WDR25: variants seen among roughly 807,000 people sequenced by gnomAD.
WDR25 encodes the protein WD repeat-containing protein 25.
WDR25 carries 35 observed loss-of-function variants against 47.7 expected under a neutral mutation model. The observed-to-expected ratio is 0.73, with a 90% CI of 0.56 to 0.97. WDR25 has a LOEUF of 0.97. WDR25 is among the 50% of genes least tolerant of loss of function. WDR25 has a pLI of 0.00. For synonymous variants in WDR25, 248 were observed against 278.9 expected (o/e 0.89, Z 1.10); for missense variants, 634 against 704.7 (o/e 0.90, Z 1.14).
In WDR25 at chr14:100,502,607, T is replaced by A. The variant is rs1490307016; in HGVS notation, c.1101+18483T>A. On this transcript the variant is annotated intron_variant, in intron 4 of 6. Coordinates refer to ENST00000402312, the MANE Select transcript of WDR25 (RefSeq NM_001161476.3). The surrounding 1 kb of genome is among the most constrained non-coding windows in gnomAD (Gnocchi z 4.5). ...CATTAGGGGTCCTATAGACACTTGC[T>A]GAATTAACCACTGCATGGCCAAGTG... is the stretch of plus-strand genomic sequence containing the variant. 7.2e-5 allele frequency among the ~76,000 whole-genome samples: 11 copies of A among 152,188 alleles called. No individual in the cohort carries two copies. The highest frequency in any genetic ancestry group is 1.6e-4 in the Non-Finnish European group (11 of 68,034).
chr14:100,441,125 T>G (rs769568696), intron 2 of WDR25, among the ~76,000 whole-genome samples: 7 of 152,176 alleles, frequency 4.6e-5, no homozygotes, highest in Non-Finnish European at 1.0e-4. Flanking sequence ...AAGACTCTGC[T>G]TCCTGGCTTA....
At chr14:100,438,686 C>T (rs1000450190) in intron 2 of WDR25, among the ~76,000 whole-genome samples, 1 of 152,182 alleles carries the variant, frequency 6.6e-6, no homozygotes, top group Non-Finnish European at 1.5e-5. Flanking sequence ...CTGGCTTTTT[C>T]ATCCAAAGCT....
intron 2 of WDR25, among the ~76,000 whole-genome samples, chr14:100,441,486 A>C (rs891154750): frequency 6.6e-6 from 1 of 152,106 alleles, no homozygotes; most frequent in Non-Finnish European, 1.5e-5. Flanking sequence ...CAGATGCTGG[A>C]AGTGGCAGTG....
At position 100,440,861 on chromosome 14, in the gene WDR25, G is replaced by A. The variant is rs1446286878; in HGVS notation, c.823-27160G>A. On this transcript the variant is annotated intron_variant, in intron 2 of 6. Coordinates refer to ENST00000402312, the MANE Select transcript of WDR25 (RefSeq NM_001161476.3). The surrounding 1 kb of genome is among the most constrained non-coding windows in gnomAD (Gnocchi z 4.4). ...AACATACCAGGCTGTCATTTGGCCA[G>A]AGATTGTCTGCACTGGGATTGTTCC... 6.6e-6 allele frequency among the ~76,000 whole-genome samples: 1 copy of A among 152,236 alleles called. No homozygotes were observed. The highest frequency in any genetic ancestry group is 2.4e-5 in the African/African-American group (1 of 41,454).
At chr14:100,452,457 T>TGGCTAA (rs1899067295) in intron 2 of WDR25, among the ~76,000 whole-genome samples, 1 of 151,026 alleles carries the variant, frequency 6.6e-6, no homozygotes, top group Non-Finnish European at 1.5e-5. Flanking sequence ...TGAAGGGGAG[T>TGGCTAA]GATGAGAGCA....
intron 4 of WDR25, among the ~76,000 whole-genome samples, chr14:100,495,338 A>T (rs1297561127): frequency 6.6e-6 from 1 of 152,234 alleles, no homozygotes; most frequent in Non-Finnish European, 1.5e-5. Flanking sequence ...TCTGGGTGAC[A>T]GGGTGAGACT....
intron 3 of WDR25, chr14:100,481,211 G>A: frequency 3.9e-6 from 2 of 507,464 alleles, no homozygotes; most frequent in Non-Finnish European, 7.7e-6. Flanking sequence ...AGAAAATGGG[G>A]AAATGAAAAC....
chr14:100,491,630 T>C (rs1900570022), intron 4 of WDR25, among the ~76,000 whole-genome samples: 1 of 152,258 alleles, frequency 6.6e-6, no homozygotes, highest in Admixed American at 6.5e-5. Context: ...AATCGCCTGA[T>C]GACGCATTTC....
chr14:100,418,573 G>A (rs937356344), intron 2 of WDR25, among the ~76,000 whole-genome samples: 1 of 150,920 alleles, frequency 6.6e-6, no homozygotes, highest in Non-Finnish European at 1.5e-5. Context: ...GGAGGTAGAG[G>A]TTGCAGTGAG....
At chr14:100,434,760 C>T (rs1370035942) in intron 2 of WDR25, among the ~76,000 whole-genome samples, 4 of 152,214 alleles carry the variant, frequency 2.6e-5, no homozygotes, top group African/African-American at 9.7e-5. Context: ...TACCCAGCTC[C>T]CACCCTGCCC....
intron 2 of WDR25, among the ~76,000 whole-genome samples, chr14:100,395,387 G>C (rs1004032314): frequency 1.2e-4 from 19 of 152,220 alleles, no homozygotes; most frequent in Admixed American, 9.8e-4. Context: ...ACTCTCAGGA[G>C]AGTACCAGGC....
chr14:100,434,220 A>G (rs1332416825), intron 2 of WDR25, among the ~76,000 whole-genome samples: 2 of 152,170 alleles, frequency 1.3e-5, no homozygotes, highest in Non-Finnish European at 2.9e-5. Flanking sequence ...ACATGCCTCT[A>G]TTCAGTTATT....
rs575073153 is a variant in WDR25 at position 100,382,822 on chromosome 14, G to A, written c.822+1076G>A. ...GTAGCTAGCTGGTCGACCACTGGCC[G>A]GCTGCCTTCCTGTGGAGTCTAGTGT... On this transcript the variant is annotated intron_variant, in intron 2 of 6. Coordinates refer to ENST00000402312, the MANE Select transcript of WDR25 (RefSeq NM_001161476.3). Among the ~76,000 whole-genome samples, 6 of 152,306 alleles carry A rather than the reference G, an allele frequency of 3.9e-5. No individual in the cohort carries two copies. The South Asian group carries it at 6.2e-4, about 16-fold the overall frequency.
chr14:100,433,671 C>CA (rs1898410255), intron 2 of WDR25, among the ~76,000 whole-genome samples: 1 of 152,154 alleles, frequency 6.6e-6, no homozygotes. Flanking sequence ...ATTCCCCCCC[C>CA]ATTAGTCTGT....
chr14:100,504,645 G>C (rs1480197588), intron 4 of WDR25: 1 of 152,164 alleles, frequency 6.6e-6, no homozygotes, highest in East Asian at 1.9e-4. Flanking sequence ...GTTTTGAGTT[G>C]TCTCCAGTTT....
chr14:100,504,162 A>G (rs931118266), intron 4 of WDR25, among the ~76,000 whole-genome samples: 3 of 152,196 alleles, frequency 2.0e-5, no homozygotes, highest in Non-Finnish European at 4.4e-5. Flanking sequence ...TTGTTTCTTT[A>G]AAAGGTGTGG....
rs1484734450 is a variant in WDR25 at position 100,523,029 on chromosome 14, G to A, written c.1102-2841G>A. 1.3e-5 allele frequency among the ~76,000 whole-genome samples: 2 copies of A among 152,212 alleles called. No individual in the cohort carries two copies. The highest frequency in any genetic ancestry group is 1.9e-4 in the East Asian group (1 of 5,194). On this transcript the variant is annotated intron_variant, in intron 4 of 6. Transcript: ENST00000402312. This position sits in a 1 kb window ranked among gnomAD's most constrained non-coding sequence, Gnocchi z 4.7. ...CCTGTGAGTGAATGTCATCTCACCCGGGGGTCCTGGGAGAGCCAGTGGCAA... is the reference window on the plus strand; with the variant it reads ...CCTGTGAGTGAATGTCATCTCACCCAGGGGTCCTGGGAGAGCCAGTGGCAA...
chr14:100,469,265 A>G (rs1899747873), intron 3 of WDR25, among the ~76,000 whole-genome samples: 2 of 152,146 alleles, frequency 1.3e-5, no homozygotes. Context: ...CAGAGGGAAA[A>G]TGGAGAAGGT....
intron 2 of WDR25, among the ~76,000 whole-genome samples, chr14:100,438,559 C>A (rs1170513354): frequency 6.6e-6 from 1 of 152,158 alleles, no homozygotes; most frequent in Non-Finnish European, 1.5e-5. Context: ...GCTCCTTAAC[C>A]CTTGCACTGC....
Sources: allele counts gnomAD v4.1 joint callset (sites outside exome capture counted in the v4.1 genomes callset), GRCh38; gene constraint gnomAD v4.1.1; non-coding constraint Gnocchi (gnomAD v3.1); transcripts MANE v1.5; gene names NCBI Gene and HGNC (gene_info 2026-07-23, HGNC 2026-07-21).